Variants in SBDS observed in about 807,000 individuals in gnomAD.
SBDS encodes SBDS ribosome maturation factor.
SBDS carries 20 observed loss-of-function variants against 26.4 expected under a neutral mutation model. The ratio of observed to expected loss-of-function variants is 0.76; its 90% CI spans 0.53 to 1.10. The LOEUF is 1.10. Ranked by LOEUF, SBDS falls within the 50% of genes least tolerant of loss-of-function variation. SBDS has a pLI of 0.00. For missense variants in SBDS, 241 were observed against 302.0 expected (o/e 0.80, Z 1.50); for synonymous variants, 95 against 105.1 (o/e 0.90, Z 0.59).
At chr7:66,992,016 T>C (rs1792985953) in intron 3 of SBDS, among the ~76,000 whole-genome samples, 1 of 152,208 alleles carries the variant, frequency 6.6e-6, no homozygotes, top group African/African-American at 2.4e-5. Flanking sequence ...TCACCAGGTA[T>C]ACAGAAATGA....
chr7:66,995,040 C>G (rs879833756), intron 1 of SBDS: 2 of 570,072 alleles, frequency 3.5e-6, no homozygotes, highest in African/African-American at 3.8e-5. Context: ...TTCTTGGCTG[C>G]AGCTTTTATG....
intron 4 of SBDS, among the ~76,000 whole-genome samples, chr7:66,989,848 C>G (rs1356366357): frequency 1.4e-5 from 2 of 145,366 alleles, no homozygotes; most frequent in African/African-American, 2.4e-5. Context: ...ACTTGGCACC[C>G]AGACTCATCT....
intron 3 of SBDS, among the ~76,000 whole-genome samples, chr7:66,992,802 G>A (rs192859679): frequency 4.6e-5 from 7 of 152,116 alleles, no homozygotes; most frequent in Non-Finnish European, 5.9e-5. Flanking sequence ...AGGGTCAGGA[G>A]TTCAAGACCA....
chr7:66,995,128 C>G (rs1171873957), intron 1 of SBDS, 162 bp downstream of exon 1: 9 of 995,382 alleles, frequency 9.0e-6, no homozygotes, highest in Non-Finnish European at 1.3e-5. Context: ...GGCTTAGGCG[C>G]CAAGCTCGGA....
intron 4 of SBDS, 108 bp downstream of exon 4, chr7:66,991,024 AAAAAG>A (rs1417985315): frequency 1.4e-4 from 147 of 1,087,202 alleles, no homozygotes; most frequent in Middle Eastern, 6.1e-4. Flanking sequence ...CTCAAAAAAA[AAAAAG>A]AAAAGAAAAT....
chr7:66,988,282 A>T lies in SBDS; in HGVS notation c.*89T>A. On this transcript the variant is annotated 3_prime_UTR_variant, in exon 5 of 5. Coordinates refer to ENST00000246868, the MANE Select transcript of SBDS (RefSeq NM_016038.4). ...AAGATAGAAAATGTCAAATAGTTTA[A>T]GCAAGTATTTGGCAGACCACAGACA... is the stretch of plus-strand genomic sequence containing the variant. 3 of 1,390,494 alleles carry T rather than the reference A, an allele frequency of 2.2e-6. No homozygotes were observed. Among genetic ancestry groups the T allele is most frequent in the Non-Finnish European group, 3.0e-6 (3 of 988,312 alleles). 86.1% of individuals were successfully genotyped at this position (1,390,494 alleles called of 1,614,324 possible).
chr7:66,995,263 C>T, intron 1 of SBDS, 27 bp downstream of exon 1: 3 of 1,613,146 alleles, frequency 1.9e-6, no homozygotes, highest in South Asian at 1.1e-5. Context: ...AGGCCCAGGC[C>T]CAGGCCCGAG....
At chr7:66,994,674 A>C (rs1351593564) in intron 1 of SBDS, among the ~76,000 whole-genome samples, 1 of 152,186 alleles carries the variant, frequency 6.6e-6, no homozygotes, top group Non-Finnish European at 1.5e-5. Flanking sequence ...TTGTATTTTT[A>C]GTAGAGATGG....
intron 4 of SBDS, 195 bp downstream of exon 4, chr7:66,990,942 G>A (rs1562954328): frequency 1.7e-5 from 8 of 479,174 alleles, no homozygotes; most frequent in East Asian, 4.1e-5. Flanking sequence ...GCGTGTACCC[G>A]GGAGGCGGAG....
chr7:66,989,143 T>C (rs1288622697), intron 4 of SBDS, among the ~76,000 whole-genome samples: 1 of 151,940 alleles, frequency 6.6e-6, no homozygotes, highest in Non-Finnish European at 1.5e-5. Context: ...GGCCCATGTG[T>C]ACAGTTTTGC....
Position 66,993,288 on chromosome 7 carries a change from C to T in SBDS, c.388G>A (p.Val130Met), listed in dbSNP as rs201070132. 235 of 1,614,072 alleles carry T rather than the reference C, an allele frequency of 1.5e-4. No homozygotes were observed. The highest frequency in any genetic ancestry group is 1.7e-4 in the Non-Finnish European group (203 of 1,179,984). ...TTCATGGCTCTCTCAATAAGGATCA[C>T]GGTGTATGGTCTCTTTGTTTCAGGA... is the stretch of plus-strand genomic sequence containing the variant. ...VNPETKRPYT[V>M]ILIERAMKDI... is the part of the protein sequence containing the mutation. The change falls in exon 3 of 5, where the codon GTG becomes ATG. Residue 130 changes from valine (V) to methionine (M), a missense_variant. Coordinates refer to ENST00000246868, the MANE Select transcript of SBDS (RefSeq NM_016038.4).
chr7:66,988,543 G>T (rs1178333078), intron 4 of SBDS, 44 bp from the exon 5 acceptor site: 3 of 1,608,010 alleles, frequency 1.9e-6, no homozygotes, highest in Non-Finnish European at 2.5e-6. Context: ...GGATGAGCAA[G>T]ACACAGAATA....
At chr7:66,992,564 A>G (rs1792995590) in intron 3 of SBDS, among the ~76,000 whole-genome samples, 1 of 152,170 alleles carries the variant, frequency 6.6e-6, no homozygotes, top group Non-Finnish European at 1.5e-5. Flanking sequence ...TTGGATAGGA[A>G]GAAGAAAGTC....
chr7:66,988,549 G>A (rs1792915240), intron 4 of SBDS, 50 bp from the exon 5 acceptor site: 1 of 1,605,866 alleles, frequency 6.2e-7, no homozygotes, highest in African/African-American at 1.3e-5. Flanking sequence ...GCAAGACACA[G>A]AATAAACTCA....
At chr7:66,995,207 T>C in intron 1 of SBDS, 83 bp downstream of exon 1, 7 of 1,585,452 alleles carry the variant, frequency 4.4e-6, no homozygotes, top group Non-Finnish European at 6.1e-6. Flanking sequence ...GCCTGGCCCA[T>C]TCACTCGACT....
In SBDS at chr7:66,988,008, T is replaced by C. The variant is rs1257553428; in HGVS notation, c.*363A>G. The C allele has an allele frequency of 3.0e-6, 1 of 329,286 alleles. No homozygotes were observed. The allele number at this position is 329,286 out of a possible 1,614,324, so 20.4% of individuals were successfully genotyped here. A position where few individuals can be genotyped will look rare whatever the true frequency, so the allele number is the denominator to read the frequency against. On this transcript the variant is annotated 3_prime_UTR_variant, in exon 5 of 5. Coordinates refer to ENST00000246868, the MANE Select transcript of SBDS (RefSeq NM_016038.4). ...AGGAAAGACCCCCCCTTTTGTTGTA[T>C]AGACATACCCCTAATAATCTTACTC...
At chr7:66,989,689 CTG>C (rs3040031) in intron 4 of SBDS, among the ~76,000 whole-genome samples, 50,815 of 151,744 alleles carry the variant, frequency 0.33, 9,185 homozygotes, top group East Asian at 0.62. Context: ...TTAAAATGTT[CTG>C]TGTTTAGTGT....
At chr7:66,991,755 G>T (rs1343520266) in intron 3 of SBDS, among the ~76,000 whole-genome samples, 3 of 150,512 alleles carry the variant, frequency 2.0e-5, no homozygotes, top group Admixed American at 6.6e-5. Context: ...GAGGGCGGGG[G>T]GGGTGGGCAA....
At chr7:66,992,486 T>A (rs1040692643) in intron 3 of SBDS, among the ~76,000 whole-genome samples, 1 of 152,086 alleles carries the variant, frequency 6.6e-6, no homozygotes, top group Non-Finnish European at 1.5e-5. Context: ...ATATATAAAT[T>A]AAAAAATTCA....
Sources: gnomAD v4.1 joint callset for allele counts (sites outside exome capture counted in the v4.1 genomes callset) on GRCh38, gnomAD v4.1.1 for gene constraint, MANE v1.5 for transcripts, NCBI Gene and HGNC (gene_info 2026-07-23, HGNC 2026-07-21) for gene names.